The following PAX8 variants were observed in gnomAD, a reference collection of about 807,000 sequenced individuals.
The protein encoded by PAX8 is paired box protein Pax-8.
A neutral mutation model predicts 52.4 loss-of-function variants in PAX8; 15 were observed. The ratio of observed to expected loss-of-function variants is 0.29; its 90% CI spans 0.19 to 0.44. The LOEUF (loss-of-function observed/expected upper bound fraction) is 0.44. Ranked by LOEUF, PAX8 falls within the 20% of genes least tolerant of loss-of-function variation. PAX8 has a pLI of 1.00. For synonymous variants in PAX8, 284 were observed against 249.7 expected (o/e 1.14, Z -1.29); for missense variants, 554 against 602.5 (o/e 0.92, Z 0.84).
At chr2:113,263,120 G>T (rs1401115067) in intron 2 of PAX8, among the ~76,000 whole-genome samples, 1 of 152,114 alleles carries the variant, frequency 6.6e-6, no homozygotes, top group African/African-American at 2.4e-5. Context: ...TCAAGTAGAG[G>T]GTAAAATCCT....
chr2:113,268,471 C>T (rs1475523707), intron 2 of PAX8: 1 of 152,278 alleles, frequency 6.6e-6, no homozygotes, highest in East Asian at 1.9e-4. Context: ...CTGTGAGCCC[C>T]CTCTAGCCTT....
At chr2:113,239,057 A>G (rs893930723) in intron 7 of PAX8, 2 of 147,292 alleles carry the variant, frequency 1.4e-5, no homozygotes, top group African/African-American at 5.0e-5. Flanking sequence ...TCTGATGAAC[A>G]CTTCCCCCTG....
rs182021642 is a variant in PAX8, at chr2:113,264,462, C to T, written c.25+13908G>A. ...TCAGGTGTATTTCATGTTGGAAAAA[C>T]TTCATGTACAAAACTCAAATGTGCA... On this transcript the variant is annotated intron_variant, in intron 2 of 11. Coordinates refer to ENST00000429538, the MANE Select transcript of PAX8 (RefSeq NM_003466.4). Among the ~76,000 whole-genome samples the T allele has an allele frequency of 3.9e-5, 6 of 152,296 alleles. No homozygotes were observed. The East Asian group carries it at 1.2e-3, about 29-fold the overall frequency.
intron 2 of PAX8, 115 bp downstream of exon 2, chr2:113,278,255 G>C (rs1465626998): frequency 4.7e-6 from 4 of 847,052 alleles, no homozygotes; most frequent in Non-Finnish European, 5.6e-6. Context: ...GGGTCCCCAC[G>C]CGGGTGGGTC....
At position 113,217,810 on chromosome 2, in the gene PAX8, G is replaced by A. The variant is rs1423806149; in HGVS notation, c.*723C>T. On this transcript the variant is annotated 3_prime_UTR_variant, in exon 12 of 12. Coordinates refer to ENST00000429538, the MANE Select transcript of PAX8 (RefSeq NM_003466.4). ...GCTCCCTGGGGCTGGCCTGGCTGAC[G>A]GCAGCTGCCAAGGGGATGCCGCACT... 2.6e-5 allele frequency: 6 copies of A among 233,242 alleles called. No homozygotes were observed. Among genetic ancestry groups the A allele is most frequent in the East Asian group, 1.2e-4 (2 of 16,576 alleles). 14.4% of individuals were successfully genotyped at this position (233,242 alleles called of 1,614,324 possible).
In PAX8 at chr2:113,221,907, C is replaced by T. The variant is rs139263959; in HGVS notation, c.1190-1729G>A. Among the ~76,000 whole-genome samples the T allele has an allele frequency of 1.5e-3, 219 of 150,186 alleles. 6 individuals are homozygous for T. The highest frequency in any genetic ancestry group is 5.0e-3 in the African/African-American group (202 of 40,748). On this transcript the variant is annotated intron_variant, in intron 10 of 11. Coordinates refer to ENST00000429538, the MANE Select transcript of PAX8 (RefSeq NM_003466.4). ...CCTTAGGGGCAGAGACTAAGTCTAA[C>T]GTAAATCAAGCAAAAAACATGGGTA... is the stretch of plus-strand genomic sequence containing the variant.
intron 4 of PAX8, among the ~76,000 whole-genome samples, 162 bp from the exon 5 acceptor site, chr2:113,242,940 GTCC>G (rs1049738440): frequency 6.6e-6 from 1 of 152,122 alleles, no homozygotes; most frequent in African/African-American, 2.4e-5. Context: ...CGCATGCCTA[GTCC>G]TCCTCAGTTG....
chr2:113,278,004 C>T (rs993495493), intron 2 of PAX8, among the ~76,000 whole-genome samples: 1 of 152,212 alleles, frequency 6.6e-6, no homozygotes, highest in African/African-American at 2.4e-5. Context: ...GACGGGGAAA[C>T]GGCAAGTCCA....
intron 2 of PAX8, chr2:113,274,073 G>A (rs1693645924): frequency 6.6e-6 from 1 of 152,116 alleles, no homozygotes. Flanking sequence ...ATGTGGGAAT[G>A]CTTTCCTATA....
chr2:113,255,644 C>T (rs532572175), intron 2 of PAX8: 1 of 152,348 alleles, frequency 6.6e-6, no homozygotes, highest in East Asian at 1.9e-4. Context: ...TAGTGCTACT[C>T]TTGCCATTTT....
chr2:113,243,109 A>G (rs1691003908), intron 4 of PAX8, among the ~76,000 whole-genome samples: 1 of 152,114 alleles, frequency 6.6e-6, no homozygotes, highest in South Asian at 2.1e-4. Flanking sequence ...GCGTCTCTCC[A>G]TCAGCACCTT....
At chr2:113,226,762 C>T (rs541091280) in intron 10 of PAX8, 216 of 1,178,118 alleles carry the variant, frequency 1.8e-4, no homozygotes, top group Non-Finnish European at 2.2e-4. Context: ...CACTGGGAGA[C>T]CAGCACTGCT....
At chr2:113,224,189 T>C (rs1689409701) in intron 10 of PAX8, among the ~76,000 whole-genome samples, 2 of 151,598 alleles carry the variant, frequency 1.3e-5, no homozygotes, top group Non-Finnish European at 1.5e-5. Context: ...ATAAAAGGAT[T>C]GATGGAAAGA....
intron 10 of PAX8, among the ~76,000 whole-genome samples, chr2:113,220,910 T>C (rs1485885863): frequency 6.6e-6 from 1 of 152,246 alleles, no homozygotes; most frequent in Non-Finnish European, 1.5e-5. Context: ...CTTCTGTTAA[T>C]GGATTCTTGA....
chr2:113,255,598 T>C (rs563638044), intron 2 of PAX8: 1 of 152,434 alleles, frequency 6.6e-6, no homozygotes, highest in East Asian at 1.9e-4. Context: ...TATGGTTGAA[T>C]GTGGCAGTGT....
At chr2:113,240,645 A>T (rs963905417) in intron 7 of PAX8, 6 of 152,190 alleles carry the variant, frequency 3.9e-5, no homozygotes, top group Non-Finnish European at 7.3e-5. Flanking sequence ...ACGGACACCA[A>T]CCTGTTATGA....
chr2:113,247,291 C>T (rs1202976195), intron 2 of PAX8, among the ~76,000 whole-genome samples: 2 of 152,172 alleles, frequency 1.3e-5, no homozygotes, highest in Non-Finnish European at 2.9e-5. Flanking sequence ...GCCGTTTGAC[C>T]TTGGGGAAAA....
intron 2 of PAX8, chr2:113,267,678 C>T (rs571950686): frequency 6.6e-6 from 1 of 152,392 alleles, no homozygotes; most frequent in African/African-American, 2.4e-5. Context: ...ACAGCCGGGA[C>T]TCATCAATCA....
In PAX8 at chr2:113,218,728, G is replaced by C. The variant is rs1573394592; in HGVS notation, c.1277-119C>G. 4 of 617,300 alleles carry C rather than the reference G, an allele frequency of 6.5e-6. No individual in the cohort carries two copies. The East Asian group carries it at 1.2e-4, about 18-fold the overall frequency. The allele number at this position is 617,300 out of a possible 1,614,324, so 38.2% of individuals were successfully genotyped here. On this transcript the variant is annotated intron_variant, in intron 11 of 11. Transcript: ENST00000429538. ...CACAAGTTAATCATTCATTTCTCTG[G>C]CCTATCTGATCATCGAAGATTAACT...
Sources: allele counts gnomAD v4.1 joint callset (sites outside exome capture counted in the v4.1 genomes callset), GRCh38; gene constraint gnomAD v4.1.1; transcripts MANE v1.5; gene names NCBI Gene and HGNC (gene_info 2026-07-23, HGNC 2026-07-21).